MAD1L1: variants seen among roughly 807,000 people sequenced by gnomAD.
MAD1L1 encodes the protein mitotic arrest deficient 1 like 1.
Under a neutral mutation model 96.9 loss-of-function variants are expected in MAD1L1, and 95 were observed. That is an observed-to-expected ratio of 0.98 (90% CI 0.83 to 1.16). MAD1L1 has a LOEUF of 1.16. Among genes scored for constraint, MAD1L1 ranks in the 50% most tolerant of loss-of-function variants. MAD1L1 has a pLI of 0.00. For missense variants in MAD1L1, 1,007 were observed against 954.4 expected (o/e 1.06, Z -0.73); for synonymous variants, 473 against 396.6 (o/e 1.19, Z -2.29).
chr7:1,934,449 G>T (rs929673404), intron 17 of MAD1L1, among the ~76,000 whole-genome samples: 1 of 151,478 alleles, frequency 6.6e-6, no homozygotes, highest in African/African-American at 2.4e-5. Context: ...GATGCGCAGA[G>T]ACCCAGATAA....
At chr7:1,864,251 A>ACAC (rs1364138826) in intron 18 of MAD1L1, among the ~76,000 whole-genome samples, 2 of 152,120 alleles carry the variant, frequency 1.3e-5, no homozygotes, top group African/African-American at 4.8e-5. Flanking sequence ...AGACACCTGA[A>ACAC]CACCTGAAGG....
intron 18 of MAD1L1, among the ~76,000 whole-genome samples, chr7:1,859,233 C>G (rs761654872): frequency 2.0e-5 from 3 of 152,210 alleles, no homozygotes; most frequent in African/African-American, 4.8e-5. Flanking sequence ...CCAGAACGCT[C>G]AGGCAGACAG....
At chr7:2,161,369 G>A (rs1294117607) in intron 10 of MAD1L1, among the ~76,000 whole-genome samples, 2 of 151,970 alleles carry the variant, frequency 1.3e-5, no homozygotes, top group African/African-American at 4.8e-5. Flanking sequence ...GGCCTCCCGC[G>A]GTGCCGGGAT....
At chr7:2,064,258 T>G (rs1784784990) in intron 12 of MAD1L1, among the ~76,000 whole-genome samples, 2 of 151,890 alleles carry the variant, frequency 1.3e-5, no homozygotes, top group Non-Finnish European at 2.9e-5. Flanking sequence ...AGGCGGGCCC[T>G]CCACCAGAAA....
intron 11 of MAD1L1, among the ~76,000 whole-genome samples, chr7:2,102,670 C>T (rs1005241486): frequency 1.3e-4 from 20 of 151,900 alleles, no homozygotes; most frequent in African/African-American, 4.6e-4. Flanking sequence ...CTGTCACCAG[C>T]ACTCTCAGGA....
chr7:2,073,110 G>C (rs888834173), intron 11 of MAD1L1, among the ~76,000 whole-genome samples: 1 of 152,172 alleles, frequency 6.6e-6, no homozygotes, highest in Non-Finnish European at 1.5e-5. Flanking sequence ...AGGCCGCCTC[G>C]GTGAGGCAGG....
chr7:2,155,064 A>G (rs1789758909), intron 10 of MAD1L1, among the ~76,000 whole-genome samples: 1 of 152,164 alleles, frequency 6.6e-6, no homozygotes, highest in African/African-American at 2.4e-5. Flanking sequence ...GAGAAGCAGC[A>G]CGGGAGCCGG....
intron 12 of MAD1L1, among the ~76,000 whole-genome samples, chr7:2,064,219 T>G (rs1052070466): frequency 1.3e-5 from 2 of 151,908 alleles, no homozygotes; most frequent in South Asian, 4.2e-4. Flanking sequence ...AAGAGCAACA[T>G]GTCTTCAAAA....
At position 1,918,398 on chromosome 7, in the gene MAD1L1, GC is replaced by G. The variant is rs1788554946; in HGVS notation, c.1807+18288del. 3.3e-5 allele frequency among the ~76,000 whole-genome samples: 5 copies of G among 152,266 alleles called. No individual in the cohort carries two copies. In the South Asian group the frequency reaches 1.0e-3, roughly 32 times the overall value. ...GATCCTCCCTCGGCTCCGTCTTGGG[GC>G]CCCCGAGCATGTTCCCAACACACAA... On this transcript the variant is annotated intron_variant, in intron 17 of 18. Coordinates refer to ENST00000265854, the MANE Select transcript of MAD1L1 (RefSeq NM_001013836.2).
intron 18 of MAD1L1, among the ~76,000 whole-genome samples, chr7:1,875,914 T>A (rs1208345886): frequency 6.6e-6 from 1 of 152,062 alleles, no homozygotes; most frequent in East Asian, 1.9e-4. Context: ...GCACCAGAGC[T>A]CTCCAAGTGC....
intron 18 of MAD1L1, chr7:1,847,957 A>G: frequency 2.8e-6 from 1 of 351,458 alleles, no homozygotes; most frequent in Non-Finnish European, 5.7e-6. Context: ...CAGGCCACCC[A>G]GATGCAAGCC....
At chr7:1,829,077 G>C (rs1351009991) in intron 18 of MAD1L1, among the ~76,000 whole-genome samples, 1 of 152,206 alleles carries the variant, frequency 6.6e-6, no homozygotes. Context: ...CGGAAAGACA[G>C]ACATAAAGGA....
intron 17 of MAD1L1, among the ~76,000 whole-genome samples, chr7:1,898,648 G>A (rs1042784728): frequency 6.6e-6 from 1 of 152,302 alleles, no homozygotes; most frequent in Admixed American, 6.5e-5. Context: ...AACTCTGAGA[G>A]CCAGACTACA....
rs1206457562 is a variant in MAD1L1 at position 1,842,958 on chromosome 7, A to G, written c.1999-26730T>C. Reference sequence around the variant, plus strand: ...TGGGGTGAGTCCGAGGCCGGGCTCCAGCACAGCCTTCAAGTGAGGCCCACA... The same window carrying G: ...TGGGGTGAGTCCGAGGCCGGGCTCCGGCACAGCCTTCAAGTGAGGCCCACA... On this transcript the variant is annotated intron_variant, in intron 18 of 18. Coordinates refer to ENST00000265854, the MANE Select transcript of MAD1L1 (RefSeq NM_001013836.2). 3.9e-5 allele frequency among the ~76,000 whole-genome samples: 6 copies of G among 152,226 alleles called. 1 individual carries two copies. Among genetic ancestry groups the G allele is most frequent in the Admixed American group, 3.3e-4 (5 of 15,290 alleles).
chr7:1,879,456 C>CAAA (rs58872674), intron 18 of MAD1L1, among the ~76,000 whole-genome samples: 1 of 130,004 alleles, frequency 7.7e-6, no homozygotes, highest in African/African-American at 2.7e-5. Context: ...ACTTCATCTC[C>CAAA]AAAAAAAAAA....
intron 11 of MAD1L1, among the ~76,000 whole-genome samples, chr7:2,121,501 GCTCA>G (rs1283690713): frequency 1.3e-5 from 2 of 152,250 alleles, no homozygotes; most frequent in South Asian, 2.1e-4. Context: ...CCAGGCAGGT[GCTCA>G]CTGACACTGT....
Position 1,890,104 on chromosome 7 carries a change from G to A in MAD1L1, c.1998+8096C>T, listed in dbSNP as rs541235682. On this transcript the variant is annotated intron_variant, in intron 18 of 18. Coordinates refer to ENST00000265854, the MANE Select transcript of MAD1L1 (RefSeq NM_001013836.2). ...CTCCTGGGAGGGGCATGTATCCGTG[G>A]GAGGGTCTCACTCCTGGACCACACG... Among the ~76,000 whole-genome samples the A allele has an allele frequency of 1.4e-4, 21 of 152,378 alleles. No homozygotes were observed. The East Asian group carries it at 3.7e-3, about 27-fold the overall frequency.
chr7:1,936,941 C>T, intron 16 of MAD1L1, 44 bp from the exon 17 acceptor site: 2 of 1,481,532 alleles, frequency 1.3e-6, no homozygotes, highest in Middle Eastern at 1.7e-4. Context: ...CCCAGGCACA[C>T]ACGCAGCACG....
At chr7:1,906,532 T>C (rs1239354105) in intron 17 of MAD1L1, among the ~76,000 whole-genome samples, 2 of 152,260 alleles carry the variant, frequency 1.3e-5, no homozygotes, top group African/African-American at 4.8e-5. Context: ...CTCTGGCTCC[T>C]GTTCTCCGCA....
Sources: allele counts gnomAD v4.1 joint callset (sites outside exome capture counted in the v4.1 genomes callset), GRCh38; gene constraint gnomAD v4.1.1; transcripts MANE v1.5; gene names NCBI Gene and HGNC (gene_info 2026-07-23, HGNC 2026-07-21).